Variants in PMPCB observed in about 807,000 individuals in gnomAD.
The protein encoded by PMPCB is peptidase, mitochondrial processing subunit beta, also known as mitochondrial-processing peptidase subunit beta.
In PMPCB, 46 loss-of-function variants were observed where a neutral mutation model predicts 61.5. That is an observed-to-expected ratio of 0.75 (90% CI 0.59 to 0.96). The LOEUF is 0.96. Ranked by LOEUF, PMPCB falls within the 40% of genes least tolerant of loss-of-function variation. The pLI is 0.00. For missense variants in PMPCB, 590 were observed against 602.4 expected (o/e 0.98, Z 0.22); for synonymous variants, 191 against 201.6 (o/e 0.95, Z 0.44).
downstream of PMPCB, among the ~76,000 whole-genome samples, chr7:103,331,536 A>AG (rs1426447168): frequency 6.6e-6 from 1 of 151,960 alleles, no homozygotes; most frequent in Non-Finnish European, 1.5e-5. Flanking sequence ...AGCCTCTGGT[A>AG]TCTATCATTC....
At chr7:103,305,477 T>C (rs1320046190) in intron 6 of PMPCB, among the ~76,000 whole-genome samples, 1 of 152,212 alleles carries the variant, frequency 6.6e-6, no homozygotes. Context: ...CAGGCTGGTT[T>C]CAATCTCCTG....
intron 8 of PMPCB, 69 bp downstream of exon 8, chr7:103,309,164 T>A (rs1426835889): frequency 7.8e-7 from 1 of 1,274,812 alleles, no homozygotes; most frequent in South Asian, 1.6e-5. Context: ...ATATAAGTTC[T>A]TTGTAAGAAT....
In PMPCB at chr7:103,319,818, C is replaced by T. The variant is rs749687683; in HGVS notation, c.*1431+7687C>T. 75 of 1,614,052 alleles carry T rather than the reference C, an allele frequency of 4.6e-5. 1 individual carries two copies. The South Asian group carries it at 7.7e-4, about 17-fold the overall frequency. On this transcript the variant is annotated intron_variant and NMD_transcript_variant, in intron 12 of 12. Transcript: ENST00000444457. ...CTTCCATCATTTTAACCCGCTCTGC[C>T]TCATTATCAGAAAAATGATTCCAGG... is the stretch of plus-strand genomic sequence containing the variant.
chr7:103,331,544 T>TTCTATCTACTACCTCCACGAGATCAAC (rs1818972007), downstream of PMPCB, among the ~76,000 whole-genome samples: 1 of 152,180 alleles, frequency 6.6e-6, no homozygotes. Flanking sequence ...GTATCTATCA[T>TTCTATCTACTACCTCCACGAGATCAAC]TCTATCTACT....
chr7:103,341,693 G>T, the PMPCB span: 1 of 1,267,754 alleles, frequency 7.9e-7, no homozygotes, highest in Non-Finnish European at 1.1e-6. Context: ...TTTATTAATG[G>T]AAAACTCATA....
intron 12 of PMPCB, chr7:103,324,696 C>T (rs963734415): frequency 1.1e-5 from 10 of 897,234 alleles, no homozygotes; most frequent in Non-Finnish European, 1.4e-5. Context: ...CTCTACAACT[C>T]GAAGATGGAG....
chr7:103,306,915 T>G (rs544805798), intron 6 of PMPCB, among the ~76,000 whole-genome samples: 2 of 152,230 alleles, frequency 1.3e-5, no homozygotes, highest in South Asian at 4.1e-4. Context: ...CCTGCTACCA[T>G]GCCCAGCTAA....
chr7:103,338,846 G>T, the PMPCB span, among the ~76,000 whole-genome samples: 1 of 152,130 alleles, frequency 6.6e-6, no homozygotes, highest in East Asian at 2.0e-4. Context: ...GGAGGCGGAG[G>T]TTGCAGTGGG....
chr7:103,344,885 C>A, the PMPCB span: 1 of 577,638 alleles, frequency 1.7e-6, no homozygotes, highest in Non-Finnish European at 3.1e-6. Context: ...GAGACCAAGT[C>A]GCACGAGAGA....
downstream of PMPCB, chr7:103,317,234 G>T: frequency 2.0e-6 from 1 of 502,170 alleles, no homozygotes; most frequent in South Asian, 3.3e-5. Context: ...CAGCCTGCCT[G>T]ATTTTCCCAG....
intron 9 of PMPCB, 48 bp from the exon 10 acceptor site, chr7:103,311,595 A>G: frequency 7.2e-7 from 1 of 1,385,236 alleles, no homozygotes; most frequent in South Asian, 1.2e-5. Flanking sequence ...TCATTAACTC[A>G]TGAAATACAA....
chr7:103,337,558 C>T, the PMPCB span: 21 of 557,858 alleles, frequency 3.8e-5, no homozygotes, highest in Non-Finnish European at 5.4e-5. Context: ...AAATGGATTG[C>T]TTTCTTCTGA....
Position 103,314,247 on chromosome 7 carries a change from CCTG to C in PMPCB, c.*1980_*1982del, listed in dbSNP as rs1240998555. 6 of 985,252 alleles carry C rather than the reference CCTG, an allele frequency of 6.1e-6. No homozygotes were observed. In the African/African-American group the frequency reaches 1.0e-4, roughly 17 times the overall value. 61.0% of individuals were successfully genotyped at this position (985,252 alleles called of 1,614,324 possible). On this transcript the variant is annotated 3_prime_UTR_variant, in exon 13 of 13. Coordinates refer to ENST00000249269, the MANE Select transcript of PMPCB (RefSeq NM_004279.3). ...AGATGGAAGTGACATGGCAGTATTTCCTGCTGTTCTCCAGTTACTTCACAATAC... is the reference window on the plus strand; with the variant it reads ...AGATGGAAGTGACATGGCAGTATTTCCTGTTCTCCAGTTACTTCACAATAC...
chr7:103,327,450 G>T, intron 12 of PMPCB: 1 of 758,464 alleles, frequency 1.3e-6, no homozygotes, highest in Non-Finnish European at 2.1e-6. Context: ...AAGCTGCCAG[G>T]TGTTGCTGAT....
intron 12 of PMPCB, chr7:103,322,177 AG>A (rs1818456722): frequency 2.1e-5 from 20 of 937,348 alleles, no homozygotes; most frequent in Non-Finnish European, 2.9e-5. Context: ...AAATTATATT[AG>A]GAAAAAAGGC....
downstream of PMPCB, among the ~76,000 whole-genome samples, chr7:103,318,196 C>T (rs1818179394): frequency 6.6e-6 from 1 of 151,822 alleles, no homozygotes; most frequent in Admixed American, 6.6e-5. Flanking sequence ...GACAAAGTCT[C>T]GCTCTGTTGC....
chr7:103,341,484 C>T, the PMPCB span, among the ~76,000 whole-genome samples: 1 of 152,156 alleles, frequency 6.6e-6, no homozygotes, highest in Non-Finnish European at 1.5e-5. Context: ...TCCTTCTGCC[C>T]AGAATACTTT....
chr7:103,337,190 G>C, the PMPCB span: 1 of 152,552 alleles, frequency 6.6e-6, no homozygotes, highest in Non-Finnish European at 1.5e-5. Context: ...AGGACATTTA[G>C]GAGCATTAAG....
In PMPCB at chr7:103,298,130, T is replaced by C. The variant is rs185792841; in HGVS notation, c.100-438T>C. ...ACCCATCTTCCTATCCTCTCTCTCTTTTTTTTTTTAACCATTTCCAAACCC... is the reference window on the plus strand; with the variant it reads ...ACCCATCTTCCTATCCTCTCTCTCTCTTTTTTTTTAACCATTTCCAAACCC... On this transcript the variant is annotated intron_variant, in intron 1 of 12. Coordinates refer to ENST00000249269, the MANE Select transcript of PMPCB (RefSeq NM_004279.3). Among the ~76,000 whole-genome samples the C allele has an allele frequency of 5.5e-4, 82 of 147,750 alleles. No homozygotes were observed. The East Asian group carries it at 8.0e-3, about 14-fold the overall frequency.
Sources: allele counts gnomAD v4.1 joint callset (sites outside exome capture counted in the v4.1 genomes callset), GRCh38; gene constraint gnomAD v4.1.1; transcripts MANE v1.5; gene names NCBI Gene and HGNC (gene_info 2026-07-23, HGNC 2026-07-21).